Variants in NLGN1 observed in about 807,000 individuals in gnomAD.
NLGN1 encodes neuroligin-1.
A neutral mutation model predicts 65.5 loss-of-function variants in NLGN1; 12 were observed. The ratio of observed to expected loss-of-function variants is 0.18; its 90% CI spans 0.12 to 0.30. NLGN1 has a LOEUF of 0.30. NLGN1 is among the 10% of genes least tolerant of loss of function. NLGN1 has a pLI of 1.00. For missense variants in NLGN1, 750 were observed against 1,007.1 expected (o/e 0.74, Z 3.46); for synonymous variants, 350 against 359.5 (o/e 0.97, Z 0.30).
chr3:173,405,942 A>T (rs755449932), intron 1 of NLGN1, among the ~76,000 whole-genome samples: 17 of 152,184 alleles, frequency 1.1e-4, no homozygotes, highest in Non-Finnish European at 2.1e-4. Context: ...AATATATTAC[A>T]CATTTAAGTT....
intron 1 of NLGN1, among the ~76,000 whole-genome samples, chr3:173,419,657 A>G (rs1714601959): frequency 6.6e-6 from 1 of 152,092 alleles, no homozygotes; most frequent in Admixed American, 6.6e-5. Flanking sequence ...TCTGATTCAA[A>G]GTCTGTTTTA....
chr3:174,018,239 T>G, intron 4 of NLGN1, among the ~76,000 whole-genome samples: 1 of 152,162 alleles, frequency 6.6e-6, no homozygotes, highest in East Asian at 1.9e-4. Context: ...CCTGTTCTTT[T>G]TTCAAGGTGC....
chr3:174,291,714 A>G, the NLGN1 span, among the ~76,000 whole-genome samples: 3,926 of 151,258 alleles, frequency 0.026, 163 homozygotes, highest in African/African-American at 0.086. Flanking sequence ...GAACTCAGGG[A>G]ATATTGTTAC....
At chr3:174,064,450 T>C (rs193023533) in intron 4 of NLGN1, among the ~76,000 whole-genome samples, 1 of 151,996 alleles carries the variant, frequency 6.6e-6, no homozygotes, top group African/African-American at 2.4e-5. Flanking sequence ...ATTAATAGTT[T>C]GGGTTTGAAT....
At chr3:174,277,731 T>C (rs977117334) in intron 5 of NLGN1, among the ~76,000 whole-genome samples, 2 of 151,998 alleles carry the variant, frequency 1.3e-5, no homozygotes, top group South Asian at 2.1e-4. Flanking sequence ...TAGGAACATG[T>C]TACAGACATG....
intron 4 of NLGN1, among the ~76,000 whole-genome samples, chr3:173,849,936 AAATAT>A (rs564850955): frequency 1.3e-5 from 2 of 152,264 alleles, no homozygotes; most frequent in African/African-American, 4.8e-5. Context: ...TACTATAATA[AAATAT>A]ATTTATCTGA....
intron 4 of NLGN1, among the ~76,000 whole-genome samples, chr3:174,031,277 C>G (rs1237645913): frequency 2.0e-5 from 3 of 152,166 alleles, no homozygotes; most frequent in African/African-American, 7.2e-5. Flanking sequence ...GGCTAACTTT[C>G]CCTAGCCTTC....
intron 1 of NLGN1, among the ~76,000 whole-genome samples, chr3:173,400,186 G>A (rs912392677): frequency 2.0e-5 from 3 of 152,128 alleles, no homozygotes; most frequent in Admixed American, 6.5e-5. Context: ...AGGAAGATAT[G>A]ATTTTTCAGT....
chr3:174,040,650 A>G (rs1452801089), intron 4 of NLGN1, among the ~76,000 whole-genome samples: 2 of 152,118 alleles, frequency 1.3e-5, no homozygotes, highest in African/African-American at 2.4e-5. Context: ...TTGAGACCTC[A>G]TTGTCTCATT....
intron 4 of NLGN1, among the ~76,000 whole-genome samples, chr3:174,191,262 G>A (rs1732342470): frequency 6.6e-6 from 1 of 151,932 alleles, no homozygotes; most frequent in African/African-American, 2.4e-5. Flanking sequence ...ACATATTTTT[G>A]CTCTATCAAA....
chr3:173,647,139 C>T lies in NLGN1; in HGVS notation c.493+42048C>T, dbSNP rs1027468639. Among the ~76,000 whole-genome samples the T allele has an allele frequency of 7.2e-5, 11 of 152,068 alleles. No homozygotes were observed. The South Asian group carries it at 8.3e-4, about 11-fold the overall frequency. On this transcript the variant is annotated intron_variant, in intron 3 of 6. Coordinates refer to ENST00000457714, the Ensembl canonical transcript of NLGN1. ...TAAAGGGGTTAATCCATCAAGAAGA[C>T]ATAACAAGCCTAAATGCTTATGCTT...
intron 3 of NLGN1, among the ~76,000 whole-genome samples, chr3:173,689,790 CA>C (rs1765201351): frequency 6.6e-6 from 1 of 152,014 alleles, no homozygotes; most frequent in African/African-American, 2.4e-5. Context: ...ATCCTGTTCT[CA>C]AAAATGCAAA....
At chr3:173,619,946 G>C (rs1753721235) in intron 3 of NLGN1, among the ~76,000 whole-genome samples, 1 of 152,294 alleles carries the variant, frequency 6.6e-6, no homozygotes, top group Admixed American at 6.5e-5. Context: ...GCAGGGATGA[G>C]TGGGAGAGGG....
chr3:174,044,986 C>A (rs1733237476), intron 4 of NLGN1, among the ~76,000 whole-genome samples: 1 of 152,042 alleles, frequency 6.6e-6, no homozygotes, highest in African/African-American at 2.4e-5. Flanking sequence ...GAGGCCTCCC[C>A]AGCCAGGCAG....
At chr3:173,550,200 G>A (rs748562513) in intron 2 of NLGN1, among the ~76,000 whole-genome samples, 9 of 151,838 alleles carry the variant, frequency 5.9e-5, no homozygotes, top group East Asian at 3.9e-4. Flanking sequence ...ACATGTGAAC[G>A]CCAATTATAT....
chr3:173,820,445 G>A (rs955701540), intron 4 of NLGN1, among the ~76,000 whole-genome samples: 4 of 152,128 alleles, frequency 2.6e-5, no homozygotes, highest in African/African-American at 9.7e-5. Flanking sequence ...GTGTTGAAAT[G>A]CTACTTTTTG....
intron 2 of NLGN1, among the ~76,000 whole-genome samples, chr3:173,519,706 T>C (rs1266781791): frequency 2.0e-5 from 3 of 149,852 alleles, no homozygotes; most frequent in Admixed American, 2.0e-4. Context: ...TGGAGGTAAC[T>C]ATTTTTTTTT....
intron 4 of NLGN1, among the ~76,000 whole-genome samples, chr3:173,819,493 G>C (rs1719750507): frequency 6.6e-6 from 1 of 152,118 alleles, no homozygotes; most frequent in Admixed American, 6.5e-5. Context: ...AGCCTTTTCA[G>C]GCAGGCCATG....
At chr3:173,802,342 G>A (rs886651094) in intron 3 of NLGN1, among the ~76,000 whole-genome samples, 2 of 152,034 alleles carry the variant, frequency 1.3e-5, no homozygotes, top group East Asian at 3.9e-4. Context: ...TTCAGGTTAA[G>A]TACTAAGCCA....
Sources: gnomAD v4.1 joint callset for allele counts (sites outside exome capture counted in the v4.1 genomes callset) on GRCh38, gnomAD v4.1.1 for gene constraint, MANE v1.5 for transcripts, NCBI Gene and HGNC (gene_info 2026-07-23, HGNC 2026-07-21) for gene names.